Variants in CTDSPL observed in about 807,000 individuals in gnomAD.
CTDSPL encodes CTD small phosphatase like.
In CTDSPL, 8 loss-of-function variants were observed where a neutral mutation model predicts 30.5. The ratio of observed to expected loss-of-function variants is 0.26; its 90% CI spans 0.15 to 0.47. The LOEUF (loss-of-function observed/expected upper bound fraction) is 0.47. CTDSPL is among the 20% of genes least tolerant of loss of function. The pLI is 0.99. For missense variants in CTDSPL, 248 were observed against 366.1 expected (o/e 0.68, Z 2.63); for synonymous variants, 110 against 137.9 (o/e 0.80, Z 1.42).
At chr3:37,979,989 A>G (rs1217064090) in intron 7 of CTDSPL, among the ~76,000 whole-genome samples, 2 of 152,088 alleles carry the variant, frequency 1.3e-5, no homozygotes, top group South Asian at 2.1e-4. Context: ...TCATTTCTTT[A>G]TTAGTCCTTA....
intron 1 of CTDSPL, among the ~76,000 whole-genome samples, chr3:37,915,645 AGT>A (rs1490256371): frequency 1.3e-5 from 2 of 152,236 alleles, no homozygotes; most frequent in African/African-American, 4.8e-5. Context: ...TTTTGTTTCT[AGT>A]TCTCTGAGAA....
At chr3:37,889,195 TC>T (rs1480006605) in intron 1 of CTDSPL, among the ~76,000 whole-genome samples, 3 of 152,226 alleles carry the variant, frequency 2.0e-5, no homozygotes, top group Middle Eastern at 3.4e-3. Context: ...ATTCATGTAC[TC>T]CCTCCTCAAT....
In CTDSPL at chr3:37,974,214, AGAT is replaced by A. The variant is rs528812416; in HGVS notation, c.520-1492_520-1490del. On this transcript the variant is annotated intron_variant, in intron 6 of 7. Coordinates refer to ENST00000273179, the MANE Select transcript of CTDSPL (RefSeq NM_001008392.2). Reference sequence around the variant, plus strand: ...GTGGCCCCTGGTTAGCCTCACCAGCAGATGACTGTAGTGCCCTGAGCTCTCACC... The same window carrying A: ...GTGGCCCCTGGTTAGCCTCACCAGCAGACTGTAGTGCCCTGAGCTCTCACC... Among the ~76,000 whole-genome samples, 422 of 152,340 alleles carry A rather than the reference AGAT, an allele frequency of 2.8e-3. 1 individual carries two copies. Among genetic ancestry groups the A allele is most frequent in the Non-Finnish European group, 4.4e-3 (298 of 68,022 alleles).
intron 1 of CTDSPL, among the ~76,000 whole-genome samples, chr3:37,872,572 CTTT>C (rs1294021036): frequency 1.1e-3 from 61 of 54,238 alleles, no homozygotes; most frequent in African/African-American, 3.4e-3. Context: ...ATTCTTTTAT[CTTT>C]TTTTTTTTTT....
At chr3:37,937,839 T>C (rs1199500588) in intron 1 of CTDSPL, among the ~76,000 whole-genome samples, 1 of 150,366 alleles carries the variant, frequency 6.7e-6, no homozygotes, top group Non-Finnish European at 1.5e-5. Flanking sequence ...CAGGTGGACC[T>C]AGGAGTTTAG....
chr3:37,943,534 C>T (rs1467138895), intron 1 of CTDSPL, among the ~76,000 whole-genome samples: 1 of 150,378 alleles, frequency 6.6e-6, no homozygotes, highest in Non-Finnish European at 1.5e-5. Context: ...AAATGAAAAT[C>T]GTTACGGAAT....
chr3:37,917,718 A>C (rs1259943041), intron 1 of CTDSPL, among the ~76,000 whole-genome samples: 1 of 152,238 alleles, frequency 6.6e-6, no homozygotes, highest in African/African-American at 2.4e-5. Flanking sequence ...CTCAGCCACA[A>C]ACTATCAGCA....
intron 1 of CTDSPL, among the ~76,000 whole-genome samples, chr3:37,916,575 A>G (rs1698650174): frequency 6.6e-6 from 1 of 152,198 alleles, no homozygotes; most frequent in Non-Finnish European, 1.5e-5. Flanking sequence ...GGCAGAGATT[A>G]GAGTGATGCA....
At chr3:37,945,739 T>C (rs1699027772) in intron 1 of CTDSPL, among the ~76,000 whole-genome samples, 1 of 152,218 alleles carries the variant, frequency 6.6e-6, no homozygotes, top group Non-Finnish European at 1.5e-5. Flanking sequence ...TAAGTGTGGA[T>C]CTTAAATTCA....
intron 1 of CTDSPL, among the ~76,000 whole-genome samples, chr3:37,875,745 C>G (rs547626937): frequency 5.9e-5 from 9 of 152,266 alleles, no homozygotes; most frequent in South Asian, 4.1e-4. Flanking sequence ...TTTATTTTCT[C>G]TTTTTGAGGA....
chr3:37,910,483 G>GAAC (rs950312020), intron 1 of CTDSPL, among the ~76,000 whole-genome samples: 2 of 151,452 alleles, frequency 1.3e-5, no homozygotes, highest in African/African-American at 4.9e-5. Context: ...CTCTATCTCA[G>GAAC]AACAACAACA....
intron 7 of CTDSPL, 70 bp from the exon 8 acceptor site, chr3:37,980,672 C>A: frequency 6.4e-7 from 1 of 1,555,684 alleles, no homozygotes; most frequent in Non-Finnish European, 8.8e-7. Flanking sequence ...GTCCGGGTAC[C>A]CGGTTAGGTT....
chr3:37,863,343 T>C (rs1697967907), intron 1 of CTDSPL, among the ~76,000 whole-genome samples: 1 of 152,230 alleles, frequency 6.6e-6, no homozygotes. Flanking sequence ...CCCCCCATTC[T>C]GTTTCCTTTT....
In CTDSPL at chr3:37,975,739, C is replaced by T. The variant is rs199822670; in HGVS notation, c.550C>T (p.Arg184Cys). 94 of 1,613,904 alleles carry T rather than the reference C, an allele frequency of 5.8e-5. 3 individuals are homozygous for T. Among genetic ancestry groups the T allele is most frequent in the Middle Eastern group, 1.7e-4 (1 of 6,036 alleles). ...YADPVADLLD[R>C]WGVFRARLFR... Reference sequence around the variant, plus strand: ...AGACCCTGTGGCTGACCTCCTAGACCGCTGGGGTGTGTTCCGGGCCCGGCT... The same window carrying T: ...AGACCCTGTGGCTGACCTCCTAGACTGCTGGGGTGTGTTCCGGGCCCGGCT... Residue 184 changes from arginine to cysteine, a missense_variant, in exon 7 of 8, where the codon CGC becomes TGC. This residue lies in a region of CTDSPL where 84 missense variants were observed against 139.4 expected (regional missense o/e 0.60). Transcript: ENST00000273179. This position sits in a 1 kb window ranked among gnomAD's most constrained non-coding sequence, Gnocchi z 4.9.
chr3:37,949,410 G>T (rs1699083158), intron 2 of CTDSPL, among the ~76,000 whole-genome samples: 1 of 152,148 alleles, frequency 6.6e-6, no homozygotes, highest in Non-Finnish European at 1.5e-5. Context: ...GCAACCCGAT[G>T]TTCAACAACA....
rs1699317810 is a variant in CTDSPL at position 37,967,921 on chromosome 3, T to A, written c.426+39T>A. 3 of 1,319,526 alleles carry A rather than the reference T, an allele frequency of 2.3e-6. No homozygotes were observed. The East Asian group carries it at 6.9e-5, about 31-fold the overall frequency. 81.7% of individuals were successfully genotyped at this position (1,319,526 alleles called of 1,614,324 possible). On this transcript the variant is annotated intron_variant, in intron 5 of 7. Transcript: ENST00000273179. ...GCTAAATTTGAGTTTCAATTAAGAT[T>A]TTTTAGTACTTACATTTCCTATGAA...
At chr3:37,933,846 G>A (rs567874433) in intron 1 of CTDSPL, among the ~76,000 whole-genome samples, 11 of 152,130 alleles carry the variant, frequency 7.2e-5, no homozygotes, top group Non-Finnish European at 1.5e-4. Context: ...TACACTGGAT[G>A]TATTATATAT....
chr3:37,863,535 C>A (rs918484166), intron 1 of CTDSPL, among the ~76,000 whole-genome samples: 1 of 152,196 alleles, frequency 6.6e-6, no homozygotes, highest in Non-Finnish European at 1.5e-5. Flanking sequence ...TCCTGTCCTG[C>A]GCCTCGTGAA....
At chr3:37,900,810 A>T (rs1021641872) in intron 1 of CTDSPL, among the ~76,000 whole-genome samples, 6 of 151,758 alleles carry the variant, frequency 4.0e-5, no homozygotes, top group East Asian at 1.9e-4. Flanking sequence ...TATTATTATT[A>T]TTTTTTTAGA....
Sources: gnomAD v4.1 joint callset for allele counts (sites outside exome capture counted in the v4.1 genomes callset) on GRCh38, gnomAD v4.1.1 for gene constraint, gnomAD v4.1.1 regional missense constraint, Gnocchi (gnomAD v3.1) non-coding constraint, MANE v1.5 for transcripts, NCBI Gene and HGNC (gene_info 2026-07-23, HGNC 2026-07-21) for gene names.